Variants in NBEAL1 observed in about 807,000 individuals in gnomAD.
NBEAL1 encodes neurobeachin like 1.
A neutral mutation model predicts 351.3 loss-of-function variants in NBEAL1; 273 were observed. The ratio of observed to expected loss-of-function variants is 0.78; its 90% CI spans 0.70 to 0.86. NBEAL1 has a LOEUF of 0.86. NBEAL1 is among the 40% of genes least tolerant of loss of function. NBEAL1 has a pLI of 0.00. For synonymous variants in NBEAL1, 1,050 were observed against 1,086.4 expected, an observed-to-expected ratio of 0.97 and a Z score of 0.66; for missense variants, 2,961 against 3,201.3, an observed-to-expected ratio of 0.92 and a Z score of 1.81.
At chr2:203,153,005 T>C (rs1007676893) in intron 35 of NBEAL1, among the ~76,000 whole-genome samples, 11 of 152,122 alleles carry the variant, frequency 7.2e-5, no homozygotes, top group Admixed American at 3.3e-4. Context: ...GTCTTTGCAC[T>C]CCAGCCTGGG....
At chr2:203,052,395 C>CCCATTCTCAT (rs1280441193) in intron 4 of NBEAL1, 1 of 152,562 alleles carries the variant, frequency 6.6e-6, no homozygotes, top group Admixed American at 6.6e-5. Flanking sequence ...ATCAGCAGTA[C>CCCATTCTCAT]CCATTCTCAT....
chr2:203,110,674 AAAATAAATAAAT>A (rs67437997), intron 15 of NBEAL1, among the ~76,000 whole-genome samples: 41 of 130,886 alleles, frequency 3.1e-4, no homozygotes, highest in Admixed American at 7.4e-4. Context: ...ATCCTGTCTC[AAAATAAATAAAT>A]AAATAAATAA....
intron 16 of NBEAL1, 137 bp from the exon 17 acceptor site, chr2:203,112,877 TA>T: frequency 1.1e-6 from 1 of 911,324 alleles, no homozygotes; most frequent in Non-Finnish European, 1.5e-6. Context: ...CATGATTTGG[TA>T]AAAATAAAAC....
intron 2 of NBEAL1, chr2:203,040,452 G>T (rs6733394): frequency 0.93 from 659,992 of 709,730 alleles, 308,051 homozygotes; most frequent in Non-Finnish European, 0.95. Context: ...TGAAGAAAAT[G>T]TTTAGTGGTG....
intron 35 of NBEAL1, among the ~76,000 whole-genome samples, chr2:203,151,937 C>T (rs1050327820): frequency 1.3e-5 from 2 of 151,876 alleles, no homozygotes; most frequent in African/African-American, 4.8e-5. Flanking sequence ...AGATAGAATT[C>T]TTAGCAATCC....
chr2:203,153,693 T>A (rs2063721042), intron 35 of NBEAL1, among the ~76,000 whole-genome samples: 1 of 152,198 alleles, frequency 6.6e-6, no homozygotes, highest in East Asian at 1.9e-4. Flanking sequence ...TATCCTCTTC[T>A]GTAAGTATCT....
chr2:203,081,458 A>G (rs887394440), intron 8 of NBEAL1, among the ~76,000 whole-genome samples: 3 of 152,250 alleles, frequency 2.0e-5, no homozygotes, highest in Admixed American at 6.5e-5. Flanking sequence ...ACTAAATGAC[A>G]TAATATATGT....
chr2:203,210,015 C>G (rs2065735262), intron 53 of NBEAL1, among the ~76,000 whole-genome samples: 1 of 152,020 alleles, frequency 6.6e-6, no homozygotes, highest in East Asian at 1.9e-4. Context: ...ACTCCCAAAG[C>G]ACTGGGATTA....
At chr2:203,158,058 G>T (rs1457461622) in intron 36 of NBEAL1, among the ~76,000 whole-genome samples, 1 of 152,120 alleles carries the variant, frequency 6.6e-6, no homozygotes, top group Non-Finnish European at 1.5e-5. Context: ...GTACGATAAT[G>T]AAAGCAGTAC....
At chr2:203,164,090 T>C (rs2064053750) in intron 36 of NBEAL1, among the ~76,000 whole-genome samples, 1 of 151,996 alleles carries the variant, frequency 6.6e-6, no homozygotes, top group Non-Finnish European at 1.5e-5. Flanking sequence ...TAGAAGTTTA[T>C]AAATTTATTA....
intron 39 of NBEAL1, among the ~76,000 whole-genome samples, chr2:203,171,014 C>A (rs1356864368): frequency 6.6e-6 from 1 of 152,096 alleles, no homozygotes; most frequent in African/African-American, 2.4e-5. Flanking sequence ...CAGTTGTAAT[C>A]CCAGCACTAA....
At chr2:203,066,507 C>T (rs1022660150) in intron 6 of NBEAL1, among the ~76,000 whole-genome samples, 1 of 152,120 alleles carries the variant, frequency 6.6e-6, no homozygotes, top group African/African-American at 2.4e-5. Context: ...AATCTGATCT[C>T]TCTTTCTTTT....
chr2:203,216,896 C>G (rs1219482916), intron 55 of NBEAL1, among the ~76,000 whole-genome samples: 5 of 152,142 alleles, frequency 3.3e-5, no homozygotes, highest in Non-Finnish European at 7.3e-5. Flanking sequence ...CTCTGCCTCT[C>G]AGGTTCAAGC....
intron 3 of NBEAL1, among the ~76,000 whole-genome samples, chr2:203,049,382 T>C (rs1267812418): frequency 1.3e-5 from 2 of 152,202 alleles, no homozygotes; most frequent in African/African-American, 4.8e-5. Context: ...AAACTAGTTA[T>C]GTAGATACTT....
At position 203,122,359 on chromosome 2, in the gene NBEAL1, A is replaced by C; in HGVS notation, c.2682+16A>C. 7.0e-7 allele frequency: 1 copy of C among 1,430,700 alleles called. No individual in the cohort carries two copies. 88.6% of individuals were successfully genotyped at this position (1,430,700 alleles called of 1,614,324 possible). On this transcript the variant is annotated intron_variant, in intron 19 of 55. Coordinates refer to ENST00000683969, the MANE Select transcript of NBEAL1 (RefSeq NM_001378026.1). ...GGACATTAAGGTAAATTAATAGTAA[A>C]TGTTGGGCAACATCTTACATAATTT... is the stretch of plus-strand genomic sequence containing the variant.
At chr2:203,124,405 A>G (rs1337623146) in intron 19 of NBEAL1, among the ~76,000 whole-genome samples, 1 of 152,190 alleles carries the variant, frequency 6.6e-6, no homozygotes, top group East Asian at 1.9e-4. Context: ...AATGTAAAAC[A>G]TGAGGACTAT....
intron 55 of NBEAL1, among the ~76,000 whole-genome samples, chr2:203,215,328 G>A (rs1266507934): frequency 3.9e-5 from 6 of 152,062 alleles, no homozygotes; most frequent in African/African-American, 7.2e-5. Context: ...GTGAAACCTC[G>A]TCTCTACTAA....
intron 10 of NBEAL1, among the ~76,000 whole-genome samples, chr2:203,093,701 A>G (rs1289145716): frequency 6.6e-6 from 1 of 152,182 alleles, no homozygotes; most frequent in Non-Finnish European, 1.5e-5. Flanking sequence ...TAAAAATACA[A>G]AAATTAGCTG....
At chr2:203,201,980 A>G (rs1377733731) in intron 50 of NBEAL1, among the ~76,000 whole-genome samples, 2 of 152,152 alleles carry the variant, frequency 1.3e-5, no homozygotes, top group African/African-American at 4.8e-5. Context: ...GAATGATAAA[A>G]GTAAGAATTT....
Sources: gnomAD v4.1 joint callset for allele counts (sites outside exome capture counted in the v4.1 genomes callset) on GRCh38, gnomAD v4.1.1 for gene constraint, MANE v1.5 for transcripts, NCBI Gene and HGNC (gene_info 2026-07-23, HGNC 2026-07-21) for gene names.